The following TUSC3 variants were observed in gnomAD, a reference collection of about 807,000 sequenced individuals.
The protein encoded by TUSC3 is tumor suppressor candidate 3.
Under a neutral mutation model 44.8 loss-of-function variants are expected in TUSC3, and 45 were observed. The observed-to-expected ratio is 1.00, with a 90% CI of 0.79 to 1.29. The LOEUF is 1.29. Among genes scored for constraint, TUSC3 ranks in the 50% most tolerant of loss-of-function variants. The pLI, the probability that TUSC3 is intolerant of heterozygous loss-of-function variation, is 0.00. For synonymous variants in TUSC3, 212 were observed against 152.9 expected (o/e 1.39, Z -2.85); for missense variants, 519 against 437.9 (o/e 1.19, Z -1.65).
intron 1 of TUSC3, among the ~76,000 whole-genome samples, chr8:15,594,514 G>A (rs1376309268): frequency 1.3e-5 from 2 of 152,106 alleles, no homozygotes; most frequent in Non-Finnish European, 1.5e-5. Context: ...TATCATTGAG[G>A]TTTGTTCTGG....
intron 2 of TUSC3, among the ~76,000 whole-genome samples, chr8:15,512,375 G>A (rs1563270661): frequency 2.0e-5 from 3 of 152,066 alleles, no homozygotes; most frequent in African/African-American, 7.2e-5. Context: ...ACTGCCTTTG[G>A]GCCAGAACTG....
intron 1 of TUSC3, among the ~76,000 whole-genome samples, chr8:15,599,701 G>GTTTTTT (rs143634299): frequency 7.5e-6 from 1 of 134,040 alleles, no homozygotes; most frequent in African/African-American, 2.7e-5. Flanking sequence ...ATTGCTTGTG[G>GTTTTTT]TTTTTTTTTT....
At chr8:15,585,998 A>G (rs933526946) in intron 1 of TUSC3, among the ~76,000 whole-genome samples, 16 of 152,188 alleles carry the variant, frequency 1.1e-4, no homozygotes, top group Non-Finnish European at 1.9e-4. Flanking sequence ...TTCTGAAGAA[A>G]ATCAGTGAAG....
At chr8:15,436,948 A>T (rs1003173432) in intron 1 of TUSC3, among the ~76,000 whole-genome samples, 1 of 152,206 alleles carries the variant, frequency 6.6e-6, no homozygotes, top group Non-Finnish European at 1.5e-5. Context: ...CCTATTAAGC[A>T]AATTAGAATT....
At chr8:15,512,948 A>G (rs1801162478) in intron 2 of TUSC3, among the ~76,000 whole-genome samples, 1 of 140,446 alleles carries the variant, frequency 7.1e-6, no homozygotes, top group African/African-American at 2.8e-5. Context: ...ATATATATAT[A>G]TATATATATA....
chr8:15,659,239 G>A (rs926536849), intron 3 of TUSC3, among the ~76,000 whole-genome samples: 1 of 151,942 alleles, frequency 6.6e-6, no homozygotes, highest in Non-Finnish European at 1.5e-5. Flanking sequence ...GAAAAAGAAC[G>A]AAATGACTTA....
the TUSC3 span, among the ~76,000 whole-genome samples, chr8:15,851,081 G>C: frequency 6.6e-6 from 1 of 152,156 alleles, no homozygotes; most frequent in African/African-American, 2.4e-5. Flanking sequence ...ACGACGCGAC[G>C]CTTTTCGGAA....
chr8:15,642,100 G>C (rs527947170), intron 2 of TUSC3, among the ~76,000 whole-genome samples: 1 of 152,278 alleles, frequency 6.6e-6, no homozygotes, highest in African/African-American at 2.4e-5. Context: ...TTTAGCATAA[G>C]ATATTCCTAT....
Position 15,650,739 on chromosome 8 carries a change from C to T in TUSC3, c.351C>T (p.Arg117=), listed in dbSNP as rs970908682. 6.2e-7 allele frequency: 1 copy of T among 1,614,060 alleles called. No individual in the cohort carries two copies. The highest frequency in any genetic ancestry group is 8.5e-7 in the Non-Finnish European group (1 of 1,180,016). Residue 117 remains arginine (R), a synonymous_variant, in exon 3 of 11, where the codon CGC becomes CGT. Coordinates refer to ENST00000503731, the MANE Select transcript of TUSC3 (RefSeq NM_006765.4). ...EEYQILANSW[R]YSSAFCNKLF... ...ATCAAATACTGGCGAACTCCTGGCG[C>T]TATTCATCTGCTTTTTGTAACAAGC...
Position 15,715,463 on chromosome 8 carries a change from A to G in TUSC3, c.799-15203A>G, listed in dbSNP as rs75094020. ...AGTGACTAATGGGAAGGTAGCATGT[A>G]CAGTGTGGATATGCTCTACGAAGGC... On this transcript the variant is annotated intron_variant, in intron 6 of 10. Coordinates refer to ENST00000503731, the MANE Select transcript of TUSC3 (RefSeq NM_006765.4). Among the ~76,000 whole-genome samples the G allele has an allele frequency of 5.7e-3, 866 of 152,264 alleles. 9 individuals carry two copies. The highest frequency in any genetic ancestry group is 0.034 in the East Asian group (176 of 5,162).
At chr8:15,474,279 CAT>C (rs757753901) in intron 1 of TUSC3, among the ~76,000 whole-genome samples, 3 of 152,146 alleles carry the variant, frequency 2.0e-5, no homozygotes, top group African/African-American at 7.2e-5. Context: ...TTCAAACACA[CAT>C]GTTTTACAAT....
intron 2 of TUSC3, among the ~76,000 whole-genome samples, chr8:15,524,276 T>A (rs913989038): frequency 2.0e-5 from 3 of 152,144 alleles, no homozygotes; most frequent in African/African-American, 7.2e-5. Flanking sequence ...ATATAATATA[T>A]TTCAATATAT....
the TUSC3 span, among the ~76,000 whole-genome samples, chr8:15,801,684 G>C: frequency 2.0e-5 from 3 of 152,158 alleles, no homozygotes; most frequent in Non-Finnish European, 4.4e-5. Context: ...GGTTGTGAGA[G>C]CTGTATGGGG....
At chr8:15,653,358 C>G (rs1807003677) in intron 3 of TUSC3, among the ~76,000 whole-genome samples, 1 of 152,072 alleles carries the variant, frequency 6.6e-6, no homozygotes, top group Admixed American at 6.6e-5. Flanking sequence ...AAAATGTTGG[C>G]AGTTAATTCA....
At chr8:15,779,627 G>C in the TUSC3 span, among the ~76,000 whole-genome samples, 2 of 152,150 alleles carry the variant, frequency 1.3e-5, no homozygotes, top group African/African-American at 4.8e-5. Flanking sequence ...TTACTGAAAA[G>C]AGGAAGAGTA....
intron 1 of TUSC3, among the ~76,000 whole-genome samples, chr8:15,576,440 C>T (rs376917262): frequency 0.022 from 3,152 of 143,038 alleles, 146 homozygotes; most frequent in East Asian, 0.19. Flanking sequence ...AGGTATATCT[C>T]CCAATGCTAT....
chr8:15,562,353 C>T (rs527468415), intron 1 of TUSC3, among the ~76,000 whole-genome samples: 9 of 152,190 alleles, frequency 5.9e-5, no homozygotes, highest in South Asian at 4.2e-4. Context: ...TCTTTCCATC[C>T]GTCTTATCTC....
chr8:15,821,078 G>A, the TUSC3 span, among the ~76,000 whole-genome samples: 2 of 152,030 alleles, frequency 1.3e-5, no homozygotes, highest in Non-Finnish European at 2.9e-5. Flanking sequence ...GAGTAAATCT[G>A]CTAGTGAAGA....
intron 5 of TUSC3, among the ~76,000 whole-genome samples, chr8:15,667,151 G>T (rs147132933): frequency 3.3e-5 from 5 of 151,562 alleles, no homozygotes; most frequent in African/African-American, 1.2e-4. Context: ...CTCAATAGTG[G>T]TTATAAATAC....
Sources: allele counts gnomAD v4.1 joint callset (sites outside exome capture counted in the v4.1 genomes callset), GRCh38; gene constraint gnomAD v4.1.1; transcripts MANE v1.5; gene names NCBI Gene and HGNC (gene_info 2026-07-23, HGNC 2026-07-21).